The following DMXL2 variants were observed in gnomAD, a reference collection of about 807,000 sequenced individuals.
DMXL2 encodes Dmx like 2.
DMXL2 carries 103 observed loss-of-function variants against 331.1 expected under a neutral mutation model. The observed-to-expected ratio is 0.31, with a 90% CI of 0.27 to 0.37. The LOEUF is 0.37. Among genes scored for constraint, DMXL2 ranks in the 10% least tolerant of loss-of-function variants. The pLI is 1.00. For synonymous variants in DMXL2, 1,281 were observed against 1,252.1 expected, an observed-to-expected ratio of 1.02 and a Z score of -0.49; for missense variants, 3,171 against 3,642.9, an observed-to-expected ratio of 0.87 and a Z score of 3.33.
At chr15:51,543,642 T>C (rs948722274) in intron 8 of DMXL2, among the ~76,000 whole-genome samples, 2 of 152,132 alleles carry the variant, frequency 1.3e-5, no homozygotes, top group Non-Finnish European at 2.9e-5. Flanking sequence ...ATATATACAA[T>C]TATATAGAAC....
In DMXL2 at chr15:51,459,741, A is replaced by C. The variant is rs1260629337; in HGVS notation, c.7927-81T>G. ...AAGACAGTGAAATATTTCAAGCTGA[A>C]ATGGCCACTCCACCACTTAAAGATG... is the stretch of plus-strand genomic sequence containing the variant. On this transcript the variant is annotated intron_variant, in intron 33 of 43. Coordinates refer to ENST00000560891, the MANE Select transcript of DMXL2 (RefSeq NM_001378457.1). The C allele has an allele frequency of 2.3e-6, 3 of 1,276,794 alleles. No individual in the cohort carries two copies. In the East Asian group the frequency reaches 1.7e-4, roughly 72 times the overall value. The allele number at this position is 1,276,794 out of a possible 1,614,324, so 79.1% of individuals were successfully genotyped here.
At chr15:51,571,721 A>T (rs2050681697) in intron 2 of DMXL2, among the ~76,000 whole-genome samples, 1 of 152,212 alleles carries the variant, frequency 6.6e-6, no homozygotes, top group African/African-American at 2.4e-5. Flanking sequence ...GAAATAAAAG[A>T]TGTTCTCTGA....
At chr15:51,456,278 C>CAAT (rs1566975501) in intron 38 of DMXL2, 31 bp downstream of exon 38, 2 of 1,595,562 alleles carry the variant, frequency 1.3e-6, no homozygotes, top group Non-Finnish European at 1.7e-6. Flanking sequence ...CAAATGAGGA[C>CAAT]ACTTACAATT....
chr15:51,465,752 A>T (rs2040513126), intron 30 of DMXL2, 101 bp from the exon 31 acceptor site: 2 of 844,564 alleles, frequency 2.4e-6, no homozygotes, highest in Admixed American at 5.6e-5. Flanking sequence ...TCTCCAACCC[A>T]GAAAAAAAGC....
intron 1 of DMXL2, among the ~76,000 whole-genome samples, chr15:51,598,068 T>C (rs1226491252): frequency 6.6e-6 from 1 of 152,208 alleles, no homozygotes; most frequent in African/African-American, 2.4e-5. Flanking sequence ...ACTCCACAAC[T>C]TGCATTTCAC....
intron 2 of DMXL2, among the ~76,000 whole-genome samples, chr15:51,572,611 G>A (rs1262835688): frequency 6.6e-6 from 1 of 152,010 alleles, no homozygotes; most frequent in Non-Finnish European, 1.5e-5. Flanking sequence ...TTCATCCCTG[G>A]GATAAGAAGC....
At chr15:51,530,010 ATT>A (rs2047910266) in intron 13 of DMXL2, among the ~76,000 whole-genome samples, 1 of 152,100 alleles carries the variant, frequency 6.6e-6, no homozygotes, top group Admixed American at 6.5e-5. Flanking sequence ...AAGGACAAAA[ATT>A]TTTTAGCATC....
intron 2 of DMXL2, among the ~76,000 whole-genome samples, chr15:51,575,667 T>C (rs1595582135): frequency 6.6e-6 from 1 of 152,198 alleles, no homozygotes; most frequent in Admixed American, 6.5e-5. Flanking sequence ...ATATTAGATA[T>C]TAACAACTTG....
intron 1 of DMXL2, among the ~76,000 whole-genome samples, chr15:51,594,226 A>T (rs1246326473): frequency 6.6e-6 from 1 of 152,238 alleles, no homozygotes; most frequent in Non-Finnish European, 1.5e-5. Context: ...AAAATGATAA[A>T]GGGGATATCA....
intron 27 of DMXL2, among the ~76,000 whole-genome samples, chr15:51,475,238 T>C (rs950333906): frequency 4.6e-5 from 7 of 152,148 alleles, no homozygotes; most frequent in African/African-American, 1.7e-4. Flanking sequence ...ACACCTGTAA[T>C]CCCAGCACTT....
chr15:51,575,893 A>G (rs1317792018), intron 2 of DMXL2, among the ~76,000 whole-genome samples, 163 bp downstream of exon 2: 1 of 152,144 alleles, frequency 6.6e-6, no homozygotes, highest in Non-Finnish European at 1.5e-5. Context: ...GTTTAATGGC[A>G]CTTTACAATT....
chr15:51,546,917 T>C (rs560564484), intron 7 of DMXL2, among the ~76,000 whole-genome samples: 18 of 152,252 alleles, frequency 1.2e-4, no homozygotes, highest in African/African-American at 2.2e-4. Context: ...AACAATTTCA[T>C]TGGCTGGACA....
Position 51,499,547 on chromosome 15 carries a change from A to G in DMXL2, c.3677T>C (p.Val1226Ala), listed in dbSNP as rs1203974694. The G allele has an allele frequency of 2.5e-6, 4 of 1,613,772 alleles. No homozygotes were observed. The highest frequency in any genetic ancestry group is 3.4e-6 in the Non-Finnish European group (4 of 1,179,978). ...TCTAAGAAGAACCCATCTTGACTTA[A>G]CTCCTTGCTTGATACTACCACCTAG... is the stretch of plus-strand genomic sequence containing the variant. ...LPLGGSIKQG[V>A]KSRWVLLRSI... Residue 1226 changes from valine (V) to alanine (A), a missense_variant, in exon 18 of 44, where the codon GTT (valine) becomes GCT (alanine). Transcript: ENST00000560891.
At chr15:51,595,551 C>A (rs1471853727) in intron 1 of DMXL2, among the ~76,000 whole-genome samples, 1 of 152,194 alleles carries the variant, frequency 6.6e-6, no homozygotes, top group East Asian at 1.9e-4. Flanking sequence ...ACTTTCTTCA[C>A]AGAATTGGAA....
intron 29 of DMXL2, among the ~76,000 whole-genome samples, chr15:51,467,572 A>T (rs1290998682): frequency 6.6e-6 from 1 of 152,232 alleles, no homozygotes; most frequent in Non-Finnish European, 1.5e-5. Context: ...TATCAAATTA[A>T]CAAAAATGAA....
At position 51,456,228 on chromosome 15, in the gene DMXL2, T is replaced by C. The variant is rs779186222; in HGVS notation, c.8399-35A>G. On this transcript the variant is annotated intron_variant, in intron 38 of 43. Transcript: ENST00000560891. The stretch of plus-strand genomic sequence containing the variant: ...AAGAGAAAAAGCAGGAAATAAGAAA[T>C]TAAAGAGTTCCAATATTTTCTATTC... 2.8e-5 allele frequency: 45 copies of C among 1,604,284 alleles called. No homozygotes were observed. The East Asian group carries it at 9.6e-4, about 34-fold the overall frequency.
chr15:51,516,514 G>A (rs79322596), intron 14 of DMXL2, among the ~76,000 whole-genome samples: 1,765 of 152,270 alleles, frequency 0.012, 26 homozygotes, highest in East Asian at 0.026. Flanking sequence ...ACCACAACCC[G>A]ACCCTTCTAT....
Position 51,458,780 on chromosome 15 carries a change from C to T in DMXL2, c.8005G>A (p.Gly2669Ser), listed in dbSNP as rs1248305798. 2 of 1,613,890 alleles carry T rather than the reference C, an allele frequency of 1.2e-6. No homozygotes were observed. The highest frequency in any genetic ancestry group is 2.2e-5 in the East Asian group (1 of 44,858). ...ACTTTCGCCTTTCCACCTGGATAGC[C>T]CAGATCAGCTTCAACCTAGAAAACA... ...DCHIKVEADL[G>S]YPGGKAKVIH... The change falls in exon 35 of 44, where the codon GGC becomes AGC. Residue 2669 changes from glycine to serine, a missense_variant. Around this residue, in one of 7 missense-constraint regions of DMXL2, gnomAD observed 766 missense variants for 940.5 expected, o/e 0.81. Transcript: ENST00000560891.
chr15:51,491,057 T>C (rs1403739480), intron 20 of DMXL2, among the ~76,000 whole-genome samples: 2 of 152,226 alleles, frequency 1.3e-5, no homozygotes, highest in Non-Finnish European at 2.9e-5. Flanking sequence ...ACGGATATAT[T>C]ATAAATTCAG....
Sources: allele counts gnomAD v4.1 joint callset (sites outside exome capture counted in the v4.1 genomes callset), GRCh38; gene constraint gnomAD v4.1.1; regional missense constraint gnomAD v4.1.1; transcripts MANE v1.5; gene names NCBI Gene and HGNC (gene_info 2026-07-23, HGNC 2026-07-21).